RAP1GAP2: variants seen among roughly 807,000 people sequenced by gnomAD.
The protein encoded by RAP1GAP2 is RAP1 GTPase activating protein 2, also known as rap1 GTPase-activating protein 2.
RAP1GAP2 carries 27 observed loss-of-function variants against 95.0 expected under a neutral mutation model. That is an observed-to-expected ratio of 0.28 (90% CI 0.21 to 0.39). The LOEUF is 0.39. Ranked by LOEUF, RAP1GAP2 falls within the 10% of genes least tolerant of loss-of-function variation. The probability of loss-of-function intolerance (pLI) is 1.00; values close to 1 mark genes in which losing one functional copy is unlikely to be tolerated. For missense variants in RAP1GAP2, 771 were observed against 970.0 expected, an observed-to-expected ratio of 0.79 and a Z score of 2.72; for synonymous variants, 373 against 380.9, an observed-to-expected ratio of 0.98 and a Z score of 0.24.
intron 12 of RAP1GAP2, among the ~76,000 whole-genome samples, chr17:2,994,179 C>T (rs1432707515): frequency 6.6e-6 from 1 of 152,150 alleles, no homozygotes; most frequent in East Asian, 1.9e-4. Context: ...TCCACGATCA[C>T]GTGCTGATTT....
At chr17:2,951,755 T>TG (rs1411950687) in intron 3 of RAP1GAP2, among the ~76,000 whole-genome samples, 2 of 151,728 alleles carry the variant, frequency 1.3e-5, no homozygotes, top group Non-Finnish European at 2.9e-5. Context: ...AAACCTAGGC[T>TG]GGGCGCAGTG....
chr17:2,770,000 G>A (rs1252114645), intron 1 of RAP1GAP2, among the ~76,000 whole-genome samples: 1 of 150,306 alleles, frequency 6.7e-6, no homozygotes, highest in Non-Finnish European at 1.5e-5. Context: ...TTGAACTTGG[G>A]AGGTGGAGGT....
intron 3 of RAP1GAP2, among the ~76,000 whole-genome samples, chr17:2,914,305 A>G (rs1437443412): frequency 1.3e-5 from 2 of 152,142 alleles, no homozygotes; most frequent in Admixed American, 6.5e-5. Flanking sequence ...GGTTTTGACA[A>G]TTTTAGCTAC....
intron 9 of RAP1GAP2, 135 bp downstream of exon 9, chr17:2,980,500 A>T (rs928152705): frequency 4.8e-6 from 4 of 837,380 alleles, no homozygotes; most frequent in Non-Finnish European, 7.9e-6. Context: ...TTGGCCATTG[A>T]CTGCACTGAT....
At chr17:2,934,584 C>A (rs990571364) in intron 3 of RAP1GAP2, among the ~76,000 whole-genome samples, 1 of 152,202 alleles carries the variant, frequency 6.6e-6, no homozygotes, top group African/African-American at 2.4e-5. Flanking sequence ...CTTTCTGTTA[C>A]CCCAAGAAAT....
In RAP1GAP2 at chr17:3,026,427, C is replaced by CA. The variant is rs1421478296; in HGVS notation, c.1944dup (p.Gly649ArgfsTer71). The CA allele has an allele frequency of 6.4e-7, 1 of 1,552,432 alleles. No homozygotes were observed. The highest frequency in any genetic ancestry group is 1.2e-5 in the South Asian group (1 of 84,104). On this transcript the variant is annotated frameshift_variant, in exon 21 of 25. Coordinates refer to ENST00000254695, the MANE Select transcript of RAP1GAP2 (RefSeq NM_015085.5). LOFTEE classifies it high-confidence loss of function. ...AGCACCAGCAGCGTCAGCAGCACTG[C>CA]AGGGGAGGGCGAGGCCATGGAGGAG... is the stretch of plus-strand genomic sequence containing the variant.
intron 2 of RAP1GAP2, among the ~76,000 whole-genome samples, chr17:2,806,408 T>TATTA (rs1567664643): frequency 6.7e-6 from 1 of 149,488 alleles, no homozygotes. Flanking sequence ...TTATTATTAT[T>TATTA]TTGAGAGGGA....
At position 3,026,094 on chromosome 17, in the gene RAP1GAP2, C is replaced by T. The variant is rs775474346; in HGVS notation, c.1838C>T (p.Ser613Phe). The T allele has an allele frequency of 2.5e-6, 4 of 1,612,550 alleles. No homozygotes were observed. Among genetic ancestry groups the T allele is most frequent in the South Asian group, 2.2e-5 (2 of 91,044 alleles). Residue 613 changes from serine (S) to phenylalanine (F), a missense_variant, in exon 20 of 25, where the codon TCT becomes TTT. By Grantham distance (155) the Ser-to-Phe change is radical. Transcript: ENST00000254695. The stretch of plus-strand genomic sequence containing the variant: ...TCTGAGACCTCATCCAATCCCAGCT[C>T]TCCGGAAATCTGCCCCAACAAGGAG... ...IKSETSSNPS[S>F]PEICPNKEKP...
intron 2 of RAP1GAP2, among the ~76,000 whole-genome samples, chr17:2,849,585 C>G (rs916316250): frequency 2.0e-5 from 3 of 152,190 alleles, no homozygotes; most frequent in Non-Finnish European, 2.9e-5. Context: ...TTCGCTGTCT[C>G]CCGCCCCAGG....
chr17:2,801,594 G>GGTGTGTGT (rs1482014787), intron 2 of RAP1GAP2, among the ~76,000 whole-genome samples: 12 of 125,958 alleles, frequency 9.5e-5, no homozygotes, highest in African/African-American at 2.5e-4. Context: ...AACACTCCAG[G>GGTGTGTGT]GTATGTGTGT....
intron 2 of RAP1GAP2, among the ~76,000 whole-genome samples, chr17:2,869,035 G>A (rs979595128): frequency 6.6e-6 from 1 of 152,098 alleles, no homozygotes; most frequent in Non-Finnish European, 1.5e-5. Context: ...TAGCGAAGGG[G>A]CAAGGGAGCT....
chr17:2,954,505 C>T (rs2044040131), intron 3 of RAP1GAP2, among the ~76,000 whole-genome samples: 1 of 152,170 alleles, frequency 6.6e-6, no homozygotes, highest in South Asian at 2.1e-4. Context: ...AGGTTCTTAA[C>T]TGCTTTTCTA....
At position 3,026,378 on chromosome 17, in the gene RAP1GAP2, C is replaced by G; in HGVS notation, c.1894C>G (p.Arg632Gly). The change falls in exon 21 of 25, where the codon CGT becomes GGT. Residue 632 changes from arginine to glycine, a missense_variant. Coordinates refer to ENST00000254695, the MANE Select transcript of RAP1GAP2 (RefSeq NM_015085.5). ...CTTCATGAAGTTGAAGGAAAACGGC[C>G]GTGCCATCTCCCGCTCCTCCTCCAG... The part of the protein sequence containing the change: ...KPFMKLKENG[R>G]AISRSSSSTS... The G allele has an allele frequency of 6.4e-7, 1 of 1,552,114 alleles. No homozygotes were observed. Among genetic ancestry groups the G allele is most frequent in the Non-Finnish European group, 8.7e-7 (1 of 1,147,460 alleles).
chr17:2,762,075 G>T (rs1415697154), intron 1 of RAP1GAP2, among the ~76,000 whole-genome samples: 1 of 127,292 alleles, frequency 7.9e-6, no homozygotes, highest in African/African-American at 2.9e-5. Flanking sequence ...TGCAAGCTCC[G>T]CCTCCCAGGT....
intron 2 of RAP1GAP2, among the ~76,000 whole-genome samples, chr17:2,807,667 G>A (rs1333529597): frequency 6.6e-6 from 1 of 152,180 alleles, no homozygotes; most frequent in Non-Finnish European, 1.5e-5. Flanking sequence ...AGTGGGGCGT[G>A]AAGCAGCTTC....
At chr17:2,888,452 A>G (rs1234411567) in intron 2 of RAP1GAP2, among the ~76,000 whole-genome samples, 1 of 151,922 alleles carries the variant, frequency 6.6e-6, no homozygotes, top group Non-Finnish European at 1.5e-5. Flanking sequence ...GCTGACCACT[A>G]TTCTGCTTTC....
intron 2 of RAP1GAP2, among the ~76,000 whole-genome samples, chr17:2,882,008 G>A (rs1446105489): frequency 2.0e-5 from 3 of 151,546 alleles, no homozygotes; most frequent in African/African-American, 7.3e-5. Context: ...TTTTAGTAGA[G>A]GTGGGGTTTC....
At chr17:2,924,572 A>G (rs2151775126) in intron 3 of RAP1GAP2, among the ~76,000 whole-genome samples, 1 of 149,810 alleles carries the variant, frequency 6.7e-6, no homozygotes, top group East Asian at 2.0e-4. Context: ...GGAGGGAAGG[A>G]AGGTGGAAGA....
At chr17:2,889,889 A>ATTTTTTTTTTTTT (rs3039128) in intron 2 of RAP1GAP2, among the ~76,000 whole-genome samples, 3 of 57,324 alleles carry the variant, frequency 5.2e-5, no homozygotes, top group Non-Finnish European at 9.2e-5. Context: ...ATATATATAT[A>ATTTTTTTTTTTTT]TTTTTTTTTT....
Sources: gnomAD v4.1 joint callset for allele counts (sites outside exome capture counted in the v4.1 genomes callset) on GRCh38, gnomAD v4.1.1 for gene constraint, MANE v1.5 for transcripts, NCBI Gene and HGNC (gene_info 2026-07-23, HGNC 2026-07-21) for gene names.